The following CCDC172 variants were observed in gnomAD, a reference collection of about 807,000 sequenced individuals.
CCDC172 encodes the protein coiled-coil domain containing 172.
In CCDC172, 30 loss-of-function variants were observed where a neutral mutation model predicts 38.0. The ratio of observed to expected loss-of-function variants is 0.79; its 90% CI spans 0.59 to 1.07. The LOEUF is 1.07. CCDC172 is among the 50% of genes least tolerant of loss of function. The pLI is 0.00. For missense variants in CCDC172, 297 were observed against 290.1 expected (o/e 1.02, Z -0.17); for synonymous variants, 78 against 88.3 (o/e 0.88, Z 0.66).
In CCDC172 at chr10:116,379,404, G is replaced by A. The variant is rs1358145013; in HGVS notation, c.*46G>A. 2.9e-6 allele frequency: 4 copies of A among 1,360,540 alleles called. No individual in the cohort carries two copies. In the African/African-American group the frequency reaches 4.4e-5, roughly 15 times the overall value. 84.3% of individuals were successfully genotyped at this position (1,360,540 alleles called of 1,614,324 possible). ...CATCTGAGATTTGATCAGAATATCT[G>A]AGAATCAAATCTTTGTGATAGATAT... On this transcript the variant is annotated 3_prime_UTR_variant, in exon 9 of 9. Coordinates refer to ENST00000333254, the MANE Select transcript of CCDC172 (RefSeq NM_198515.3).
intron 7 of CCDC172, among the ~76,000 whole-genome samples, chr10:116,377,192 CA>C (rs1490010189): frequency 2.0e-5 from 3 of 152,140 alleles, no homozygotes; most frequent in Middle Eastern, 3.4e-3. Flanking sequence ...ATAAAAAAAT[CA>C]GTATAAACAT....
rs190123801 is a variant in CCDC172, at chr10:116,331,771, A to G, written c.165+6383A>G. ...CCTGGCTGTTCGACATATTCCTTTG[A>G]TAGAAAAGATGTCCCTAAGAAGCAG... On this transcript the variant is annotated intron_variant, in intron 3 of 8. Coordinates refer to ENST00000333254, the MANE Select transcript of CCDC172 (RefSeq NM_198515.3). 1.6e-4 allele frequency among the ~76,000 whole-genome samples: 25 copies of G among 152,178 alleles called. No homozygotes were observed. The East Asian group carries it at 4.2e-3, about 26-fold the overall frequency.
intron 7 of CCDC172, among the ~76,000 whole-genome samples, chr10:116,363,919 G>A (rs576541673): frequency 2.4e-4 from 36 of 147,744 alleles, no homozygotes; most frequent in African/African-American, 7.3e-4. Flanking sequence ...CAACAGGAGC[G>A]AGACTTGGTC....
At chr10:116,341,988 A>G (rs1844800334) in intron 4 of CCDC172, 48 bp from the exon 5 acceptor site, 1 of 1,231,780 alleles carries the variant, frequency 8.1e-7, no homozygotes, top group African/African-American at 1.6e-5. Context: ...AAGGAAAAAT[A>G]TTATTGCAAC....
At chr10:116,338,792 A>G (rs949404709) in intron 3 of CCDC172, among the ~76,000 whole-genome samples, 29 of 152,120 alleles carry the variant, frequency 1.9e-4, no homozygotes, top group African/African-American at 6.8e-4. Flanking sequence ...AGATTTGCTT[A>G]AGTCTCATTT....
intron 3 of CCDC172, among the ~76,000 whole-genome samples, chr10:116,337,463 C>T (rs1844745708): frequency 6.6e-6 from 1 of 151,902 alleles, no homozygotes; most frequent in Admixed American, 6.6e-5. Context: ...CACTTTAAGG[C>T]TGTGTGCAAA....
rs772656092 is a variant in CCDC172 at position 116,357,457 on chromosome 10, T to A, written c.526T>A (p.Phe176Ile). The A allele has an allele frequency of 6.3e-7, 1 of 1,577,286 alleles. No homozygotes were observed. Among genetic ancestry groups the A allele is most frequent in the Admixed American group, 1.9e-5 (1 of 53,042 alleles). ...AAAGAGTGAATTGATACAAGAATTA[T>A]TTACTCTCCAAAGAAAACTTAAAGG... ...KQKSELIQEL[F>I]TLQRKLKVFE... The change falls in exon 6 of 9, where the codon TTT becomes ATT. Residue 176 changes from phenylalanine to isoleucine, a missense_variant. Coordinates refer to ENST00000333254, the MANE Select transcript of CCDC172 (RefSeq NM_198515.3).
rs190395022 is a variant in CCDC172 at position 116,351,276 on chromosome 10, G to T, written c.449-6104G>T. On this transcript the variant is annotated intron_variant, in intron 5 of 8. Transcript: ENST00000333254. Reference sequence around the variant, plus strand: ...GATTCCCTCTATTGAATATTAATATGTAGTTATATTTATATTTTAAACTTT... The same window carrying T: ...GATTCCCTCTATTGAATATTAATATTTAGTTATATTTATATTTTAAACTTT... 5.8e-3 allele frequency among the ~76,000 whole-genome samples: 886 copies of T among 152,128 alleles called. 10 individuals carry two copies. Among genetic ancestry groups the T allele is most frequent in the African/African-American group, 0.018 (744 of 41,516 alleles).
At chr10:116,359,704 ATTAACT>A (rs1845040754) in intron 7 of CCDC172, among the ~76,000 whole-genome samples, 1 of 152,256 alleles carries the variant, frequency 6.6e-6, no homozygotes, top group African/African-American at 2.4e-5. Context: ...TTCTACATTC[ATTAACT>A]TTAACCAGTA....
chr10:116,358,931 T>C (rs1845033305), intron 7 of CCDC172, among the ~76,000 whole-genome samples: 1 of 152,160 alleles, frequency 6.6e-6, no homozygotes, highest in Non-Finnish European at 1.5e-5. Context: ...GTCATAAAAA[T>C]GTGCTCTGGG....
intron 3 of CCDC172, among the ~76,000 whole-genome samples, chr10:116,331,327 C>A (rs372005650): frequency 7.2e-5 from 11 of 152,074 alleles, no homozygotes; most frequent in African/African-American, 2.7e-4. Context: ...TTTGAGGCCC[C>A]CTCTCTGTAG....
At chr10:116,379,025 T>G (rs527522044) in intron 8 of CCDC172, among the ~76,000 whole-genome samples, 1 of 152,266 alleles carries the variant, frequency 6.6e-6, no homozygotes, top group African/African-American at 2.4e-5. Context: ...ACTTTGGTTG[T>G]TTATAAAATG....
chr10:116,333,039 A>G (rs913701397), intron 3 of CCDC172, among the ~76,000 whole-genome samples: 14 of 151,990 alleles, frequency 9.2e-5, no homozygotes, highest in Admixed American at 9.2e-4. Flanking sequence ...TTTCTCTGCT[A>G]TGTCCTTCCT....
chr10:116,330,668 T>C (rs188718989), intron 3 of CCDC172, among the ~76,000 whole-genome samples: 67 of 152,336 alleles, frequency 4.4e-4, no homozygotes, highest in Non-Finnish European at 8.5e-4. Flanking sequence ...CTGAAAAACG[T>C]ATTACAAAAG....
chr10:116,364,686 A>G (rs1443431085), intron 7 of CCDC172, among the ~76,000 whole-genome samples: 1 of 152,184 alleles, frequency 6.6e-6, no homozygotes, highest in Non-Finnish European at 1.5e-5. Context: ...ACACACACAA[A>G]TACATACACA....
Position 116,325,108 on chromosome 10 carries a change from C to T in CCDC172, c.79+18C>T. 2 of 1,612,046 alleles carry T rather than the reference C, an allele frequency of 1.2e-6. No homozygotes were observed. The highest frequency in any genetic ancestry group is 1.7e-6 in the Non-Finnish European group (2 of 1,178,384). On this transcript the variant is annotated intron_variant, in intron 2 of 8. Coordinates refer to ENST00000333254, the MANE Select transcript of CCDC172 (RefSeq NM_198515.3). ...GCGAGAAGGTCGGGGTATTTCTGTCCTTTGCATGGGGCCTTTTGTCTTCTG... is the reference window on the plus strand; with the variant it reads ...GCGAGAAGGTCGGGGTATTTCTGTCTTTTGCATGGGGCCTTTTGTCTTCTG...
chr10:116,342,579 G>T (rs144199930), intron 5 of CCDC172, among the ~76,000 whole-genome samples: 43 of 152,246 alleles, frequency 2.8e-4, no homozygotes, highest in Non-Finnish European at 5.1e-4. Context: ...CAATCCAGGA[G>T]AAGCTAGGAA....
In CCDC172 at chr10:116,357,933, C is replaced by T; in HGVS notation, c.648C>T (p.Cys216=). ...ISEKPQNDTE[C]LRLKKELELY... is the part of the protein sequence containing the mutation. Reference sequence around the variant, plus strand: ...AAAAGCCTCAAAATGATACAGAATGCTTAAGGTAAGAGTTTCCTGTTATAT... The same window carrying T: ...AAAAGCCTCAAAATGATACAGAATGTTTAAGGTAAGAGTTTCCTGTTATAT... Residue 216 remains cysteine (C), a synonymous_variant, in exon 7 of 9, where the codon TGC becomes TGT. Coordinates refer to ENST00000333254, the MANE Select transcript of CCDC172 (RefSeq NM_198515.3). The T allele has an allele frequency of 6.4e-7, 1 of 1,555,842 alleles. No individual in the cohort carries two copies. The highest frequency in any genetic ancestry group is 1.8e-5 in the Admixed American group (1 of 54,992).
intron 3 of CCDC172, among the ~76,000 whole-genome samples, chr10:116,336,876 C>T (rs1844739579): frequency 6.6e-6 from 1 of 151,982 alleles, no homozygotes; most frequent in Non-Finnish European, 1.5e-5. Flanking sequence ...GTTCTTCTGG[C>T]AGAAAAATAC....
Sources: allele counts gnomAD v4.1 joint callset (sites outside exome capture counted in the v4.1 genomes callset), GRCh38; gene constraint gnomAD v4.1.1; transcripts MANE v1.5; gene names NCBI Gene and HGNC (gene_info 2026-07-23, HGNC 2026-07-21).